TBC1D9: variants seen among roughly 807,000 people sequenced by gnomAD.
TBC1D9 encodes the protein TBC1 domain family member 9A.
In TBC1D9, 63 loss-of-function variants were observed where a neutral mutation model predicts 132.0. The observed-to-expected ratio is 0.48, with a 90% CI of 0.39 to 0.59. The LOEUF (loss-of-function observed/expected upper bound fraction) is 0.59, where lower values mean the gene tolerates loss of function less well. Among genes scored for constraint, TBC1D9 ranks in the 20% least tolerant of loss-of-function variants. TBC1D9 has a pLI of 0.00. For missense variants in TBC1D9, 1,261 were observed against 1,592.7 expected (o/e 0.79, Z 3.54); for synonymous variants, 610 against 609.9 (o/e 1.00, Z 0.00).
At chr4:140,720,340 C>T (rs1738404259) in intron 1 of TBC1D9, among the ~76,000 whole-genome samples, 1 of 152,200 alleles carries the variant, frequency 6.6e-6, no homozygotes, top group Admixed American at 6.5e-5. Flanking sequence ...ACTCTAACAA[C>T]AGTGTGTGGT....
At chr4:140,646,291 T>A (rs1015049255) in intron 13 of TBC1D9, among the ~76,000 whole-genome samples, 2 of 152,292 alleles carry the variant, frequency 1.3e-5, no homozygotes, top group East Asian at 3.9e-4. Context: ...TCGTCTGATT[T>A]GAGAACTCGT....
At chr4:140,736,067 A>G (rs1226431244) in intron 1 of TBC1D9, among the ~76,000 whole-genome samples, 1 of 152,132 alleles carries the variant, frequency 6.6e-6, no homozygotes, top group Non-Finnish European at 1.5e-5. Context: ...ATGATCCACA[A>G]ATTTATGAGT....
chr4:140,725,039 C>T (rs376900346), intron 1 of TBC1D9, among the ~76,000 whole-genome samples: 2 of 152,204 alleles, frequency 1.3e-5, no homozygotes, highest in East Asian at 3.9e-4. Context: ...ACCAATGGCC[C>T]TACGATTTCA....
chr4:140,645,143 C>A, intron 13 of TBC1D9: 1 of 562,624 alleles, frequency 1.8e-6, no homozygotes, highest in Non-Finnish European at 3.4e-6. Context: ...GCACGTGGGC[C>A]AGGTCAGCCA....
Position 140,662,001 on chromosome 4 carries a change from G to C in TBC1D9, c.1695C>G (p.His565Gln). The C allele has an allele frequency of 6.2e-7, 1 of 1,613,854 alleles. No individual in the cohort carries two copies. The highest frequency in any genetic ancestry group is 8.5e-7 in the Non-Finnish European group (1 of 1,179,802). The stretch of plus-strand genomic sequence containing the variant: ...AAGCTGGGTGTTCTGGAAGGGAGCG[G>C]TGTAAATCCCTCTCAATCTCCTCCG... ...LATEEIERDLHRSLPEHPAFQ... is the reference protein window; with the variant it reads ...LATEEIERDLQRSLPEHPAFQ... Residue 565 changes from histidine to glutamine, a missense_variant, in exon 10 of 21, where the codon CAC becomes CAG. Coordinates refer to ENST00000442267, the MANE Select transcript of TBC1D9 (RefSeq NM_015130.3).
intron 1 of TBC1D9, among the ~76,000 whole-genome samples, chr4:140,710,892 A>T (rs574486026): frequency 6.6e-6 from 1 of 152,362 alleles, no homozygotes; most frequent in Non-Finnish European, 1.5e-5. Flanking sequence ...TCAAGGCAGC[A>T]GCAGTAGAAT....
intron 1 of TBC1D9, among the ~76,000 whole-genome samples, chr4:140,726,851 C>T (rs972724221): frequency 1.3e-5 from 2 of 152,142 alleles, no homozygotes; most frequent in African/African-American, 4.8e-5. Flanking sequence ...GCTTAGTGTG[C>T]TGCAAAATCA....
intron 1 of TBC1D9, among the ~76,000 whole-genome samples, chr4:140,703,852 C>T (rs1220955860): frequency 2.0e-5 from 3 of 152,168 alleles, no homozygotes; most frequent in African/African-American, 7.2e-5. Context: ...ATATCACACA[C>T]ATATGCATTT....
chr4:140,729,908 CA>C (rs1485299756), intron 1 of TBC1D9, among the ~76,000 whole-genome samples: 1 of 150,766 alleles, frequency 6.6e-6, no homozygotes. Context: ...TTTTTTCCCC[CA>C]GGGGGTACCC....
intron 2 of TBC1D9, among the ~76,000 whole-genome samples, chr4:140,695,855 C>T (rs977653818): frequency 2.6e-5 from 4 of 152,130 alleles, no homozygotes; most frequent in Admixed American, 1.3e-4. Flanking sequence ...GCAAAATAGT[C>T]AATTCACTGG....
intron 13 of TBC1D9, among the ~76,000 whole-genome samples, chr4:140,649,055 TAA>T (rs997860333): frequency 1.3e-5 from 2 of 152,236 alleles, no homozygotes; most frequent in South Asian, 2.1e-4. Context: ...TACAGATTTT[TAA>T]AAGAGACTGA....
intron 2 of TBC1D9, among the ~76,000 whole-genome samples, chr4:140,687,194 G>A (rs565124109): frequency 1.3e-5 from 2 of 151,176 alleles, no homozygotes; most frequent in East Asian, 3.9e-4. Context: ...GGTGTAATAG[G>A]TATGCCATCA....
chr4:140,708,558 T>C (rs922108799), intron 1 of TBC1D9, among the ~76,000 whole-genome samples: 2 of 152,126 alleles, frequency 1.3e-5, no homozygotes, highest in African/African-American at 4.8e-5. Context: ...GTAAATACGG[T>C]TTGCACACCA....
At chr4:140,739,415 T>C (rs1738725232) in intron 1 of TBC1D9, among the ~76,000 whole-genome samples, 1 of 152,210 alleles carries the variant, frequency 6.6e-6, no homozygotes, top group African/African-American at 2.4e-5. Context: ...TTTCTTTTTC[T>C]AAACTCAATC....
rs147980172 is a variant in TBC1D9, at chr4:140,637,022, G to A, written c.2505+2064C>T. ...CAAATGACACGGCTGTTATCTGAAG[G>A]TACACAGACCAGAGAGCGCAGCAGT... On this transcript the variant is annotated intron_variant, in intron 15 of 20. Coordinates refer to ENST00000442267, the MANE Select transcript of TBC1D9 (RefSeq NM_015130.3). 3.6e-3 allele frequency among the ~76,000 whole-genome samples: 553 copies of A among 152,240 alleles called. 2 individuals carry two copies. The highest frequency in any genetic ancestry group is 0.012 in the African/African-American group (491 of 41,532).
intron 9 of TBC1D9, among the ~76,000 whole-genome samples, chr4:140,662,811 C>G (rs116251587): frequency 0.013 from 1,939 of 152,258 alleles, 35 homozygotes; most frequent in African/African-American, 0.044. Context: ...ACCTCTCAAT[C>G]TAAATTTTAA....
intron 6 of TBC1D9, among the ~76,000 whole-genome samples, chr4:140,672,598 G>C (rs572015008): frequency 1.3e-5 from 2 of 152,200 alleles, no homozygotes; most frequent in East Asian, 3.9e-4. Flanking sequence ...AAATTCCTTC[G>C]TCTAGCTGGA....
intron 15 of TBC1D9, among the ~76,000 whole-genome samples, chr4:140,636,698 T>C (rs1345586531): frequency 6.6e-6 from 1 of 152,134 alleles, no homozygotes; most frequent in Non-Finnish European, 1.5e-5. Flanking sequence ...TCTCTAGAAA[T>C]TGGCTTTTTA....
At chr4:140,730,009 T>G (rs934977365) in intron 1 of TBC1D9, among the ~76,000 whole-genome samples, 1 of 152,088 alleles carries the variant, frequency 6.6e-6, no homozygotes, top group Non-Finnish European at 1.5e-5. Context: ...AAATTCTCCA[T>G]TTTAGCAAGA....
Sources: gnomAD v4.1 joint callset for allele counts (sites outside exome capture counted in the v4.1 genomes callset) on GRCh38, gnomAD v4.1.1 for gene constraint, MANE v1.5 for transcripts, NCBI Gene and HGNC (gene_info 2026-07-23, HGNC 2026-07-21) for gene names.